BCAS1: variants seen among roughly 807,000 people sequenced by gnomAD.
BCAS1 encodes breast carcinoma-amplified sequence 1.
Under a neutral mutation model 65.4 loss-of-function variants are expected in BCAS1, and 46 were observed. That is an observed-to-expected ratio of 0.70 (90% CI 0.55 to 0.90). BCAS1 has a LOEUF of 0.90. Among genes scored for constraint, BCAS1 ranks in the 40% least tolerant of loss-of-function variants. The pLI is 0.00. For missense variants in BCAS1, 793 were observed against 771.2 expected, an observed-to-expected ratio of 1.03 and a Z score of -0.33; for synonymous variants, 298 against 293.5, an observed-to-expected ratio of 1.02 and a Z score of -0.16.
chr20:53,995,315 A>G (rs2090877577), intron 5 of BCAS1, among the ~76,000 whole-genome samples: 1 of 152,248 alleles, frequency 6.6e-6, no homozygotes, highest in Admixed American at 6.5e-5. Context: ...CTCCTGGAAG[A>G]CCACAGACTT....
At chr20:53,958,939 C>T (rs949397775) in intron 10 of BCAS1, among the ~76,000 whole-genome samples, 7 of 152,118 alleles carry the variant, frequency 4.6e-5, no homozygotes, top group East Asian at 3.8e-4. Context: ...AATCAATAAA[C>T]GTTTATTGAG....
In BCAS1 at chr20:54,026,052, T is replaced by G. The variant is rs2091666276; in HGVS notation, c.723+2340A>C. Among the ~76,000 whole-genome samples, 2 of 152,208 alleles carry G rather than the reference T, an allele frequency of 1.3e-5. 1 individual carries two copies. Among genetic ancestry groups the G allele is most frequent in the South Asian group, 4.1e-4 (2 of 4,836 alleles). On this transcript the variant is annotated intron_variant, in intron 4 of 12. Transcript: ENST00000688948. ...ATAGTACAAAGTGGGCACTCAGTAT[T>G]TCAAATTTCAATATCACTGAAAAAA...
At chr20:54,038,557 C>T (rs2091937469) in intron 3 of BCAS1, among the ~76,000 whole-genome samples, 1 of 151,224 alleles carries the variant, frequency 6.6e-6, no homozygotes. Context: ...GTAGGGCACA[C>T]CAATGAACAG....
intron 3 of BCAS1, among the ~76,000 whole-genome samples, chr20:54,039,387 A>G (rs1344681345): frequency 6.6e-6 from 1 of 151,512 alleles, no homozygotes; most frequent in Non-Finnish European, 1.5e-5. Flanking sequence ...TCAGCTTTAT[A>G]CAACATGTCT....
At chr20:53,975,488 A>C in intron 8 of BCAS1, 58 bp from the exon 9 acceptor site, 1 of 1,468,976 alleles carries the variant, frequency 6.8e-7, no homozygotes, top group Non-Finnish European at 9.5e-7. Context: ...CAAAATTGTT[A>C]CATAAAAGCA....
intron 9 of BCAS1, among the ~76,000 whole-genome samples, chr20:53,969,731 C>A (rs1001610867): frequency 8.5e-5 from 13 of 152,170 alleles, no homozygotes; most frequent in Admixed American, 3.9e-4. Flanking sequence ...TTATTTGTTA[C>A]CTCATGGTTA....
chr20:54,020,276 C>A, intron 4 of BCAS1, among the ~76,000 whole-genome samples: 1 of 152,036 alleles, frequency 6.6e-6, no homozygotes, highest in East Asian at 1.9e-4. Context: ...GGGGGCGAGT[C>A]AGATGGGACA....
In BCAS1 at chr20:53,967,037, T is replaced by C. The variant is rs1444528296; in HGVS notation, c.1354A>G (p.Lys452Glu). The change falls in exon 10 of 13, where the codon AAG (lysine) becomes GAG (glutamate). Residue 452 changes from lysine (K) to glutamate (E), a missense_variant. Coordinates refer to ENST00000688948, the MANE Select transcript of BCAS1 (RefSeq NM_001366298.2). Reference protein sequence around the residue: ...CESPVEIIKSKEVESALQTVD... With the variant: ...CESPVEIIKSEEVESALQTVD... ...GTTTGTAAGGCTGATTCTACTTCCTTGGACTTTATAATCTCTACTGGTGAC... is the reference window on the plus strand; with the variant it reads ...GTTTGTAAGGCTGATTCTACTTCCTCGGACTTTATAATCTCTACTGGTGAC... 1.2e-6 allele frequency: 2 copies of C among 1,612,600 alleles called. No individual in the cohort carries two copies. The highest frequency in any genetic ancestry group is 1.7e-4 in the Middle Eastern group (1 of 6,060).
intron 10 of BCAS1, among the ~76,000 whole-genome samples, chr20:53,962,664 G>A (rs2089913206): frequency 6.6e-6 from 1 of 151,520 alleles, no homozygotes; most frequent in Admixed American, 6.6e-5. Flanking sequence ...ATATGTATAA[G>A]AATCTTTTCC....
In BCAS1 at chr20:53,944,564, C is replaced by G. The variant is rs954396839; in HGVS notation, c.*358G>C. On this transcript the variant is annotated 3_prime_UTR_variant, in exon 13 of 13. Coordinates refer to ENST00000688948, the MANE Select transcript of BCAS1 (RefSeq NM_001366298.2). Reference sequence around the variant, plus strand: ...CCTCAGGTGATCCACCTGCCTCGGCCTCCCAAAGTGCTGAGATTACAGGCG... The same window carrying G: ...CCTCAGGTGATCCACCTGCCTCGGCGTCCCAAAGTGCTGAGATTACAGGCG... The G allele has an allele frequency of 5.3e-5, 12 of 225,666 alleles. No homozygotes were observed. The South Asian group carries it at 7.3e-4, about 14-fold the overall frequency. 14.0% of individuals were successfully genotyped at this position (225,666 alleles called of 1,614,324 possible). A position where few individuals can be genotyped will look rare whatever the true frequency, so the allele number is the denominator to read the frequency against.
intron 6 of BCAS1, among the ~76,000 whole-genome samples, chr20:53,993,574 GGAGTCTTGGTCCAT>G (rs1288842123): frequency 4.6e-5 from 7 of 152,162 alleles, no homozygotes; most frequent in Admixed American, 3.3e-4. Context: ...GGGTCAGGGA[GGAGTCTTGGTCCAT>G]GACCAGCTAA....
chr20:53,976,598 A>T (rs1474758579), intron 8 of BCAS1, among the ~76,000 whole-genome samples: 2 of 152,236 alleles, frequency 1.3e-5, no homozygotes, highest in African/African-American at 4.8e-5. Context: ...AGAGAGGTGA[A>T]GCCACTTGTT....
chr20:53,994,669 C>T (rs2090855071), intron 6 of BCAS1, among the ~76,000 whole-genome samples: 1 of 151,922 alleles, frequency 6.6e-6, no homozygotes, highest in Non-Finnish European at 1.5e-5. Flanking sequence ...TTCCCTGGGT[C>T]CCTCTACGCA....
chr20:53,998,527 A>G (rs2145869507), intron 4 of BCAS1, among the ~76,000 whole-genome samples: 1 of 152,326 alleles, frequency 6.6e-6, no homozygotes, highest in East Asian at 1.9e-4. Context: ...GCAAATGACC[A>G]TATCATGTGT....
At chr20:54,035,797 A>G (rs935084287) in intron 3 of BCAS1, among the ~76,000 whole-genome samples, 2 of 151,404 alleles carry the variant, frequency 1.3e-5, no homozygotes, top group African/African-American at 4.8e-5. Flanking sequence ...AAAACATGGA[A>G]TCAACCTAAA....
At chr20:53,972,507 C>G (rs2145674314) in intron 9 of BCAS1, among the ~76,000 whole-genome samples, 1 of 152,338 alleles carries the variant, frequency 6.6e-6, no homozygotes, top group East Asian at 1.9e-4. Context: ...CTACTCAACT[C>G]TGTTGCCTAG....
chr20:53,974,214 GC>G (rs2090263846), intron 9 of BCAS1, among the ~76,000 whole-genome samples: 1 of 152,182 alleles, frequency 6.6e-6, no homozygotes, highest in African/African-American at 2.4e-5. Context: ...GGCCACCCCA[GC>G]CAGCAGCCAC....
At chr20:53,959,449 T>G (rs2089806911) in intron 10 of BCAS1, among the ~76,000 whole-genome samples, 1 of 152,170 alleles carries the variant, frequency 6.6e-6, no homozygotes, top group Non-Finnish European at 1.5e-5. Flanking sequence ...AGACAGGGTT[T>G]CACCATGTTG....
intron 4 of BCAS1, among the ~76,000 whole-genome samples, chr20:54,021,570 G>C (rs769641878): frequency 1.3e-5 from 2 of 151,590 alleles, no homozygotes; most frequent in Non-Finnish European, 2.9e-5. Flanking sequence ...ACAAGATCAT[G>C]TCCTTTGCAG....
Sources: allele counts gnomAD v4.1 joint callset (sites outside exome capture counted in the v4.1 genomes callset), GRCh38; gene constraint gnomAD v4.1.1; transcripts MANE v1.5; gene names NCBI Gene and HGNC (gene_info 2026-07-23, HGNC 2026-07-21).